KCNB2: variants seen among roughly 807,000 people sequenced by gnomAD.
The protein encoded by KCNB2 is delayed rectifier potassium channel protein.
A neutral mutation model predicts 61.5 loss-of-function variants in KCNB2; 15 were observed. That is an observed-to-expected ratio of 0.24 (90% CI 0.16 to 0.38). The LOEUF is 0.38. Among genes scored for constraint, KCNB2 ranks in the 10% least tolerant of loss-of-function variants. The pLI, the probability that KCNB2 is intolerant of heterozygous loss-of-function variation, is 1.00. For synonymous variants in KCNB2, 457 were observed against 446.0 expected (o/e 1.02, Z -0.31); for missense variants, 828 against 1,125.2 (o/e 0.74, Z 3.78).
chr8:72,739,172 C>A (rs887534189), intron 2 of KCNB2, among the ~76,000 whole-genome samples: 1 of 151,832 alleles, frequency 6.6e-6, no homozygotes, highest in Non-Finnish European at 1.5e-5. Flanking sequence ...AAAGTTTCTT[C>A]TTTTATAGTC....
chr8:72,579,637 G>A (rs1806859939), intron 2 of KCNB2, among the ~76,000 whole-genome samples: 2 of 152,108 alleles, frequency 1.3e-5, no homozygotes, highest in African/African-American at 2.4e-5. Context: ...TCGTAATAGC[G>A]TCACTATCCC....
chr8:72,669,193 C>T (rs1457446563), intron 2 of KCNB2, among the ~76,000 whole-genome samples: 6 of 152,114 alleles, frequency 3.9e-5, no homozygotes, highest in African/African-American at 1.2e-4. Context: ...AGCTCCTTTC[C>T]AGAATTACTG....
At chr8:72,561,747 G>GTGTGTA (rs1563523487) in intron 1 of KCNB2, among the ~76,000 whole-genome samples, 1 of 16,044 alleles carries the variant, frequency 6.2e-5, no homozygotes, top group Non-Finnish European at 1.0e-4. Flanking sequence ...ATATATATAT[G>GTGTGTA]TATATATATA....
At chr8:72,580,604 T>A (rs1806876087) in intron 2 of KCNB2, among the ~76,000 whole-genome samples, 1 of 152,190 alleles carries the variant, frequency 6.6e-6, no homozygotes, top group African/African-American at 2.4e-5. Context: ...AGCATATGGA[T>A]AAAACTAGTC....
chr8:72,695,424 A>G (rs908437700), intron 2 of KCNB2, among the ~76,000 whole-genome samples: 1 of 152,192 alleles, frequency 6.6e-6, no homozygotes, highest in Non-Finnish European at 1.5e-5. Flanking sequence ...AGGTATTTAA[A>G]TAAGTATAGA....
intron 2 of KCNB2, among the ~76,000 whole-genome samples, chr8:72,801,499 G>A (rs1299397615): frequency 6.6e-6 from 1 of 152,114 alleles, no homozygotes; most frequent in East Asian, 1.9e-4. Context: ...TGTCATAATA[G>A]TTTCCACCAT....
At position 72,936,773 on chromosome 8, in the gene KCNB2, G is replaced by A; in HGVS notation, c.1418G>A (p.Gly473Glu). Residue 473 changes from glycine to glutamate, a missense_variant, in exon 3 of 3, where the codon GGA becomes GAA. Coordinates refer to ENST00000523207, the MANE Select transcript of KCNB2 (RefSeq NM_004770.3). The surrounding 1 kb of genome is among the most constrained non-coding windows in gnomAD (Gnocchi z 5.6). ...ATAGATGTGGCTGTTGAGAAGGCCG[G>A]AGAGTCCGCCAACACAAAGGACTCC... ...ELIDVAVEKA[G>E]ESANTKDSAD... The A allele has an allele frequency of 1.9e-6, 3 of 1,614,156 alleles. No individual in the cohort carries two copies. Among genetic ancestry groups the A allele is most frequent in the Non-Finnish European group, 2.5e-6 (3 of 1,180,016 alleles).
At chr8:72,746,630 T>A (rs1279903857) in intron 2 of KCNB2, among the ~76,000 whole-genome samples, 1 of 152,166 alleles carries the variant, frequency 6.6e-6, no homozygotes, top group African/African-American at 2.4e-5. Flanking sequence ...AACTGCCTTC[T>A]GTGCTTCCCG....
At chr8:72,709,525 G>A (rs952907949) in intron 2 of KCNB2, among the ~76,000 whole-genome samples, 1 of 151,832 alleles carries the variant, frequency 6.6e-6, no homozygotes, top group East Asian at 2.0e-4. Flanking sequence ...AGAAGGTGAA[G>A]CGGGAGCAGG....
At chr8:72,875,162 G>T (rs1251076547) in intron 2 of KCNB2, 1 of 152,246 alleles carries the variant, frequency 6.6e-6, no homozygotes, top group Non-Finnish European at 1.5e-5. Context: ...GGTAGCGGAG[G>T]CTTCCTCCCA....
chr8:72,767,636 G>A (rs941476582), intron 2 of KCNB2, among the ~76,000 whole-genome samples: 1 of 152,118 alleles, frequency 6.6e-6, no homozygotes, highest in Admixed American at 6.5e-5. Context: ...CCATTGATGG[G>A]CATTTGGATT....
rs184081853 is a variant in KCNB2 at position 72,640,974 on chromosome 8, A to C, written c.579+72661A>C. Among the ~76,000 whole-genome samples, 6 of 152,226 alleles carry C rather than the reference A, an allele frequency of 3.9e-5. No individual in the cohort carries two copies. The East Asian group carries it at 1.2e-3, about 29-fold the overall frequency. On this transcript the variant is annotated intron_variant, in intron 2 of 2. Coordinates refer to ENST00000523207, the MANE Select transcript of KCNB2 (RefSeq NM_004770.3). ...AACTTACATGGTAAGTATTCATACT[A>C]TGCACATCTTTATAGGTATTGGGAC...
At chr8:72,644,275 A>G (rs934832356) in intron 2 of KCNB2, among the ~76,000 whole-genome samples, 5 of 152,140 alleles carry the variant, frequency 3.3e-5, no homozygotes, top group Non-Finnish European at 7.3e-5. Flanking sequence ...GATGAATGCT[A>G]ACTGGAAATA....
intron 1 of KCNB2, among the ~76,000 whole-genome samples, chr8:72,541,252 A>G (rs1806183975): frequency 6.6e-6 from 1 of 151,920 alleles, no homozygotes; most frequent in South Asian, 2.1e-4. Flanking sequence ...AATACTATTT[A>G]TTTTATTGAC....
intron 2 of KCNB2, among the ~76,000 whole-genome samples, chr8:72,814,109 GC>G (rs1264715496): frequency 6.6e-6 from 1 of 152,034 alleles, no homozygotes; most frequent in Non-Finnish European, 1.5e-5. Context: ...AAGAGTGCAT[GC>G]TTTTTTTGTA....
intron 2 of KCNB2, among the ~76,000 whole-genome samples, chr8:72,845,158 T>C (rs1809965522): frequency 6.6e-6 from 1 of 152,190 alleles, no homozygotes; most frequent in Non-Finnish European, 1.5e-5. Context: ...TTGATGCTAT[T>C]CCTTTCTGTT....
chr8:72,593,081 TG>T (rs1428747259), intron 2 of KCNB2, among the ~76,000 whole-genome samples: 1 of 152,208 alleles, frequency 6.6e-6, no homozygotes, highest in Non-Finnish European at 1.5e-5. Flanking sequence ...AAAGGAAATT[TG>T]CTTTGATTAC....
intron 2 of KCNB2, among the ~76,000 whole-genome samples, chr8:72,719,737 C>T (rs1283777043): frequency 6.6e-6 from 1 of 151,838 alleles, no homozygotes; most frequent in African/African-American, 2.4e-5. Flanking sequence ...CAGGGAGTGG[C>T]ATTTGGCACT....
intron 2 of KCNB2, among the ~76,000 whole-genome samples, chr8:72,656,684 C>A (rs780715489): frequency 6.6e-6 from 1 of 152,160 alleles, no homozygotes; most frequent in African/African-American, 2.4e-5. Flanking sequence ...TTAAAGCCTT[C>A]ACATTATATT....
Sources: gnomAD v4.1 joint callset for allele counts (sites outside exome capture counted in the v4.1 genomes callset) on GRCh38, gnomAD v4.1.1 for gene constraint, Gnocchi (gnomAD v3.1) non-coding constraint, MANE v1.5 for transcripts, NCBI Gene and HGNC (gene_info 2026-07-23, HGNC 2026-07-21) for gene names.